The following SLC25A13 variants were observed in gnomAD, a reference collection of about 807,000 sequenced individuals.
The protein encoded by SLC25A13 is electrogenic aspartate/glutamate antiporter SLC25A13, mitochondrial.
A neutral mutation model predicts 85.5 loss-of-function variants in SLC25A13; 70 were observed. The observed-to-expected ratio is 0.82, with a 90% CI of 0.68 to 1.00. The LOEUF is 1.00. SLC25A13 is among the 50% of genes least tolerant of loss of function. SLC25A13 has a pLI of 0.00. For synonymous variants in SLC25A13, 259 were observed against 288.7 expected (o/e 0.90, Z 1.04); for missense variants, 765 against 819.8 (o/e 0.93, Z 0.82).
chr7:96,181,184 T>C lies in SLC25A13; in HGVS notation c.1177+3093A>G, dbSNP rs1449084997. 7.2e-5 allele frequency among the ~76,000 whole-genome samples: 11 copies of C among 152,230 alleles called. No individual in the cohort carries two copies. The East Asian group carries it at 2.1e-3, about 29-fold the overall frequency. On this transcript the variant is annotated intron_variant, in intron 11 of 17. Transcript: ENST00000265631. The stretch of plus-strand genomic sequence containing the variant: ...TCATGGGATTTTTAAGGAGCTCTTT[T>C]CCAGCAACTAAAACTTACACAAAAA...
Position 96,189,607 on chromosome 7 carries a change from C to A in SLC25A13, c.822G>T (p.Gln274His). ...VTPMEVDILFQLADLYEPRGR... is the reference protein window; with the variant it reads ...VTPMEVDILFHLADLYEPRGR... ...CCCTTGGCTCATATAAATCTGCTAA[C>A]TGAAACAAGATGTCAACTTCCATGG... Residue 274 changes from glutamine (Q) to histidine (H), a missense_variant, in exon 8 of 18, where the codon CAG becomes CAT. Transcript: ENST00000265631. 1.9e-6 allele frequency: 3 copies of A among 1,583,050 alleles called. No individual in the cohort carries two copies. The highest frequency in any genetic ancestry group is 2.6e-6 in the Non-Finnish European group (3 of 1,162,200).
In SLC25A13 at chr7:96,259,534, G is replaced by A. The variant is rs567312147; in HGVS notation, c.212+17662C>T. On this transcript the variant is annotated intron_variant, in intron 3 of 17. Transcript: ENST00000265631. ...ACCATCTCACGCCAGTTAGAATGGA[G>A]ATTATTAAAAGTCAGGAAACAACAG... 2.0e-5 allele frequency among the ~76,000 whole-genome samples: 3 copies of A among 152,262 alleles called. No homozygotes were observed. In the East Asian group the frequency reaches 5.8e-4, roughly 29 times the overall value.
intron 5 of SLC25A13, among the ~76,000 whole-genome samples, chr7:96,195,954 C>T (rs913161647): frequency 1.3e-5 from 2 of 152,186 alleles, no homozygotes; most frequent in African/African-American, 4.8e-5. Flanking sequence ...TTACACCTAC[C>T]TTACCAAGGA....
chr7:96,287,600 C>T (rs1798940070), intron 2 of SLC25A13, among the ~76,000 whole-genome samples: 1 of 152,182 alleles, frequency 6.6e-6, no homozygotes, highest in South Asian at 2.1e-4. Context: ...GACAAAGATA[C>T]ATCGTTCCAA....
intron 11 of SLC25A13, among the ~76,000 whole-genome samples, chr7:96,181,295 T>C (rs1794410640): frequency 6.6e-6 from 1 of 152,208 alleles, no homozygotes; most frequent in Non-Finnish European, 1.5e-5. Context: ...ACACCTCTCA[T>C]GACTCTCTGA....
rs1255908000 is a variant in SLC25A13, at chr7:96,296,900, T to TG, written c.66_67insC (p.Lys23GlnfsTer6). 6.2e-7 allele frequency: 1 copy of TG among 1,613,060 alleles called. No individual in the cohort carries two copies. The highest frequency in any genetic ancestry group is 1.3e-5 in the African/African-American group (1 of 75,028). On this transcript the variant is annotated frameshift_variant, in exon 2 of 18. Transcript: ENST00000265631. LOFTEE classifies it high-confidence loss of function. ...AAAATAGATTCCTTTATACTGACCT[T>TG]CAAAAATATTGTTCTAAGCTCAGCT...
At position 96,234,713 on chromosome 7, in the gene SLC25A13, A is replaced by G. The variant is rs908501009; in HGVS notation, c.328+89T>C. 1.0e-5 allele frequency: 10 copies of G among 958,330 alleles called. No individual in the cohort carries two copies. The Admixed American group carries it at 1.2e-4, about 11-fold the overall frequency. 59.4% of individuals were successfully genotyped at this position (958,330 alleles called of 1,614,324 possible). ...ACTATCTTCTATAAAGAATTTCCAT[A>G]CACTTTATTTTGTTCCTAGAAAAAA... On this transcript the variant is annotated intron_variant, in intron 4 of 17. Coordinates refer to ENST00000265631, the MANE Select transcript of SLC25A13 (RefSeq NM_014251.3).
intron 2 of SLC25A13, chr7:96,283,418 A>G: frequency 2.4e-6 from 1 of 412,754 alleles, no homozygotes; most frequent in South Asian, 2.0e-5. Context: ...CCTTTTAGAA[A>G]ACATAGAGTT....
At chr7:96,138,343 T>C (rs1792373473) in intron 14 of SLC25A13, among the ~76,000 whole-genome samples, 1 of 152,154 alleles carries the variant, frequency 6.6e-6, no homozygotes, top group South Asian at 2.1e-4. Flanking sequence ...ATGTGTCTAG[T>C]CTGGATTATT....
chr7:96,229,886 T>G (rs1050408749), intron 4 of SLC25A13, among the ~76,000 whole-genome samples: 1 of 152,154 alleles, frequency 6.6e-6, no homozygotes, highest in African/African-American at 2.4e-5. Flanking sequence ...GCTTCATCCT[T>G]GAAGTCAGTG....
intron 4 of SLC25A13, among the ~76,000 whole-genome samples, chr7:96,212,152 A>G (rs764637355): frequency 1.3e-5 from 2 of 152,198 alleles, no homozygotes; most frequent in Non-Finnish European, 1.5e-5. Flanking sequence ...GATGGCATTC[A>G]CTTCATGGTC....
chr7:96,265,237 C>A (rs993569620), intron 3 of SLC25A13, among the ~76,000 whole-genome samples: 18 of 152,290 alleles, frequency 1.2e-4, no homozygotes, highest in African/African-American at 4.3e-4. Flanking sequence ...TTTTGTAACA[C>A]CATGCACACC....
chr7:96,279,667 T>A (rs1035696732), intron 2 of SLC25A13, among the ~76,000 whole-genome samples: 1 of 152,142 alleles, frequency 6.6e-6, no homozygotes, highest in African/African-American at 2.4e-5. Context: ...GAAATTTGGG[T>A]GGGGACACAG....
At chr7:96,164,711 TACACACAC>T (rs56377235) in intron 13 of SLC25A13, among the ~76,000 whole-genome samples, 12 of 143,040 alleles carry the variant, frequency 8.4e-5, no homozygotes, top group Admixed American at 1.4e-4. Flanking sequence ...GGATTAACTT[TACACACAC>T]ACACACACAC....
chr7:96,279,932 T>C (rs1033698219), intron 2 of SLC25A13, among the ~76,000 whole-genome samples: 1 of 152,176 alleles, frequency 6.6e-6, no homozygotes, highest in Non-Finnish European at 1.5e-5. Flanking sequence ...TTAATTATCA[T>C]ATGGTCACCA....
intron 1 of SLC25A13, among the ~76,000 whole-genome samples, chr7:96,315,701 C>G (rs1226684704): frequency 6.6e-6 from 1 of 152,172 alleles, no homozygotes; most frequent in Non-Finnish European, 1.5e-5. Flanking sequence ...AAAAACAACT[C>G]AAACCTTCTT....
At position 96,184,946 on chromosome 7, in the gene SLC25A13, A is replaced by C. The variant is rs748986342; in HGVS notation, c.999T>G (p.Gly333=). The C allele has an allele frequency of 1.1e-5, 18 of 1,614,052 alleles. No individual in the cohort carries two copies. The highest frequency in any genetic ancestry group is 1.5e-5 in the Non-Finnish European group (18 of 1,180,032). ...LQVAESAYRF[G]LGSVAGAVGA... ...ACTAACCTCCAGCAACAGAACCCAG[A>C]CCAAACCTGTAGGCCGACTCTGCAA... The change falls in exon 10 of 18, where the codon GGT becomes GGG. Residue 333 remains glycine, a synonymous_variant. Coordinates refer to ENST00000265631, the MANE Select transcript of SLC25A13 (RefSeq NM_014251.3).
At chr7:96,210,911 A>G (rs1795666439) in intron 4 of SLC25A13, among the ~76,000 whole-genome samples, 1 of 132,098 alleles carries the variant, frequency 7.6e-6, no homozygotes, top group South Asian at 3.0e-4. Flanking sequence ...CAGTGAAATA[A>G]AGTTTTAACG....
In SLC25A13 at chr7:96,234,099, C is replaced by T. The variant is rs559499071; in HGVS notation, c.328+703G>A. 5.9e-5 allele frequency among the ~76,000 whole-genome samples: 9 copies of T among 152,322 alleles called. No homozygotes were observed. In the South Asian group the frequency reaches 1.2e-3, roughly 21 times the overall value. ...AGTCCAAGGGAAACATGGTACTTTCCGTTAAATCTGTCCTTAGTAGCCAGT... is the reference window on the plus strand; with the variant it reads ...AGTCCAAGGGAAACATGGTACTTTCTGTTAAATCTGTCCTTAGTAGCCAGT... On this transcript the variant is annotated intron_variant, in intron 4 of 17. Transcript: ENST00000265631.
Sources: allele counts gnomAD v4.1 joint callset (sites outside exome capture counted in the v4.1 genomes callset), GRCh38; gene constraint gnomAD v4.1.1; transcripts MANE v1.5; gene names NCBI Gene and HGNC (gene_info 2026-07-23, HGNC 2026-07-21).